Variants in MAP4K3 observed in about 807,000 individuals in gnomAD.
The protein encoded by MAP4K3 is mitogen-activated protein kinase kinase kinase kinase 3, also known as MAPK/ERK kinase kinase kinase 3.
Under a neutral mutation model 143.5 loss-of-function variants are expected in MAP4K3, and 94 were observed. The ratio of observed to expected loss-of-function variants is 0.65; its 90% CI spans 0.55 to 0.78. The LOEUF is 0.78. Among genes scored for constraint, MAP4K3 ranks in the 30% least tolerant of loss-of-function variants. MAP4K3 has a pLI of 0.00. For missense variants in MAP4K3, 1,077 were observed against 1,068.1 expected, an observed-to-expected ratio of 1.01 and a Z score of -0.12; for synonymous variants, 416 against 347.2, an observed-to-expected ratio of 1.20 and a Z score of -2.20.
chr2:39,369,091 T>C (rs1666004371), intron 2 of MAP4K3, among the ~76,000 whole-genome samples: 2 of 152,052 alleles, frequency 1.3e-5, no homozygotes, highest in Admixed American at 6.5e-5. Flanking sequence ...TCTGCCTGTG[T>C]ACACTGAATC....
At chr2:39,281,660 TG>T (rs1681533098) in intron 22 of MAP4K3, among the ~76,000 whole-genome samples, 1 of 152,230 alleles carries the variant, frequency 6.6e-6, no homozygotes, top group South Asian at 2.1e-4. Flanking sequence ...CCTGTCAAAC[TG>T]CAAGCCTGAG....
rs764258092 is a variant in MAP4K3, at chr2:39,315,303, T to G, written c.997+7A>C. 6.4e-7 allele frequency: 1 copy of G among 1,559,502 alleles called. No individual in the cohort carries two copies. Among genetic ancestry groups the G allele is most frequent in the Non-Finnish European group, 8.8e-7 (1 of 1,132,068 alleles). Reference sequence around the variant, plus strand: ...TAAATCATAAACTGTGTATAGTATATACTTACAGGTTATCTCTGAGCGTGT... The same window carrying G: ...TAAATCATAAACTGTGTATAGTATAGACTTACAGGTTATCTCTGAGCGTGT... On this transcript the variant is annotated splice_region_variant and intron_variant, in intron 13 of 33. Coordinates refer to ENST00000263881, the MANE Select transcript of MAP4K3 (RefSeq NM_003618.4).
At position 39,315,393 on chromosome 2, in the gene MAP4K3, A is replaced by G; in HGVS notation, c.919-5T>C. ...ATGTGGTACAGCAACAAGAGGCTAG[A>G]AAAGAACAAAATCAATGATATGCAG... On this transcript the variant is annotated splice_polypyrimidine_tract_variant and splice_region_variant and intron_variant, in intron 12 of 33. Transcript: ENST00000263881. The G allele has an allele frequency of 6.3e-7, 1 of 1,594,586 alleles. No individual in the cohort carries two copies. The highest frequency in any genetic ancestry group is 8.6e-7 in the Non-Finnish European group (1 of 1,165,070).
At chr2:39,406,648 G>A (rs147055115) in intron 1 of MAP4K3, among the ~76,000 whole-genome samples, 1 of 152,216 alleles carries the variant, frequency 6.6e-6, no homozygotes, top group Non-Finnish European at 1.5e-5. Context: ...CAGACATGAA[G>A]TAGAAATCAA....
intron 31 of MAP4K3, among the ~76,000 whole-genome samples, chr2:39,256,439 G>C (rs966020926): frequency 5.3e-5 from 8 of 152,102 alleles, no homozygotes; most frequent in African/African-American, 1.9e-4. Context: ...AATTTGCTAA[G>C]AAGTATTATT....
At chr2:39,396,995 G>GT in intron 1 of MAP4K3, among the ~76,000 whole-genome samples, 1 of 152,258 alleles carries the variant, frequency 6.6e-6, no homozygotes, top group Middle Eastern at 3.4e-3. Context: ...TAGCTAAGTT[G>GT]TAACACATAC....
In MAP4K3 at chr2:39,253,858, T is replaced by A. The variant is rs563724017; in HGVS notation, c.2541+592A>T. The stretch of plus-strand genomic sequence containing the variant: ...ACCTCAGAACTTTCCGGCATAAATG[T>A]TGAACTGACTTGAATATGTCACACA... On this transcript the variant is annotated intron_variant, in intron 32 of 33. Transcript: ENST00000263881. 2.0e-5 allele frequency among the ~76,000 whole-genome samples: 3 copies of A among 152,300 alleles called. No individual in the cohort carries two copies. In the South Asian group the frequency reaches 6.2e-4, roughly 32 times the overall value.
intron 2 of MAP4K3, among the ~76,000 whole-genome samples, chr2:39,366,605 G>GT (rs1665932270): frequency 6.6e-6 from 1 of 152,292 alleles, no homozygotes; most frequent in East Asian, 1.9e-4. Flanking sequence ...ATTTTTCAGG[G>GT]TAACTTCGGA....
chr2:39,258,253 G>T (rs933307034), intron 31 of MAP4K3, 95 bp downstream of exon 31: 4 of 909,388 alleles, frequency 4.4e-6, no homozygotes, highest in African/African-American at 3.4e-5. Flanking sequence ...TTTAAAAAAA[G>T]AATCTTAATA....
At chr2:39,263,875 T>C (rs1680668041) in intron 28 of MAP4K3, among the ~76,000 whole-genome samples, 1 of 152,202 alleles carries the variant, frequency 6.6e-6, no homozygotes, top group South Asian at 2.1e-4. Flanking sequence ...CTGCATGCTC[T>C]TGACATGGAC....
intron 8 of MAP4K3, among the ~76,000 whole-genome samples, chr2:39,329,146 G>A (rs963520667): frequency 2.6e-5 from 4 of 152,156 alleles, no homozygotes; most frequent in Non-Finnish European, 4.4e-5. Context: ...TTTTTAACCT[G>A]TGAAACTGGA....
At chr2:39,276,058 G>C (rs548088201) in intron 24 of MAP4K3, among the ~76,000 whole-genome samples, 4 of 151,850 alleles carry the variant, frequency 2.6e-5, no homozygotes, top group African/African-American at 9.7e-5. Flanking sequence ...TTTTTAATAG[G>C]GACGGGGTTT....
At chr2:39,388,410 G>A (rs1243686354) in intron 1 of MAP4K3, among the ~76,000 whole-genome samples, 3 of 152,192 alleles carry the variant, frequency 2.0e-5, no homozygotes, top group Non-Finnish European at 4.4e-5. Context: ...GGCACAAAGA[G>A]ATGTAGTATA....
Position 39,272,324 on chromosome 2 carries a change from A to T in MAP4K3, c.1932T>A (p.Val644=). ...CAGGGAGTTTGTGTGCTGGAATAGC[A>T]ACAGGTAACTTTTGCATTTGTCTTG... ...DYARQMQKLP[V]AIPAHKLPDR... is the part of the protein sequence containing the mutation. Residue 644 remains valine, a synonymous_variant, in exon 26 of 34, where the codon GTT becomes GTA. Coordinates refer to ENST00000263881, the MANE Select transcript of MAP4K3 (RefSeq NM_003618.4). 6.2e-7 allele frequency: 1 copy of T among 1,613,872 alleles called. No individual in the cohort carries two copies.
chr2:39,266,328 C>T (rs981561727), intron 27 of MAP4K3, among the ~76,000 whole-genome samples: 2 of 152,176 alleles, frequency 1.3e-5, no homozygotes, highest in Non-Finnish European at 2.9e-5. Flanking sequence ...TCCTTCCCTG[C>T]TATTTGCACT....
rs1681364565 is a variant in MAP4K3 at position 39,278,350 on chromosome 2, T to G, written c.1794+57A>C. 7.2e-6 allele frequency: 7 copies of G among 975,994 alleles called. No individual in the cohort carries two copies. The East Asian group carries it at 1.6e-4, about 22-fold the overall frequency. The allele number at this position is 975,994 out of a possible 1,614,324, so 60.5% of individuals were successfully genotyped here. A position where few individuals can be genotyped will look rare whatever the true frequency, so the allele number is the denominator to read the frequency against. Reference sequence around the variant, plus strand: ...AAACTGAACCTTATTTCTGGTCTAATGTGTACTTATGGTAACTTAAAAATT... The same window carrying G: ...AAACTGAACCTTATTTCTGGTCTAAGGTGTACTTATGGTAACTTAAAAATT... On this transcript the variant is annotated intron_variant, in intron 24 of 33. Transcript: ENST00000263881.
chr2:39,294,640 C>T (rs763340124), intron 16 of MAP4K3, among the ~76,000 whole-genome samples: 73 of 152,290 alleles, frequency 4.8e-4, no homozygotes, highest in Non-Finnish European at 9.0e-4. Context: ...CTTTGATTTC[C>T]AGCTATGTAA....
At chr2:39,429,894 G>C (rs940239931) in intron 1 of MAP4K3, among the ~76,000 whole-genome samples, 11 of 152,200 alleles carry the variant, frequency 7.2e-5, no homozygotes, top group African/African-American at 2.7e-4. Flanking sequence ...CAAGAGTCCA[G>C]ATATACTCAC....
chr2:39,413,980 T>A (rs1269248493), intron 1 of MAP4K3, among the ~76,000 whole-genome samples: 2 of 152,206 alleles, frequency 1.3e-5, no homozygotes, highest in Non-Finnish European at 2.9e-5. Flanking sequence ...CGCTAATTCC[T>A]ATTACAATCT....
Sources: gnomAD v4.1 joint callset for allele counts (sites outside exome capture counted in the v4.1 genomes callset) on GRCh38, gnomAD v4.1.1 for gene constraint, MANE v1.5 for transcripts, NCBI Gene and HGNC (gene_info 2026-07-23, HGNC 2026-07-21) for gene names.